The following BCAR3 variants were observed in gnomAD, a reference collection of about 807,000 sequenced individuals.
BCAR3 encodes the protein breast cancer anti-estrogen resistance protein 3.
In BCAR3, 37 loss-of-function variants were observed where a neutral mutation model predicts 80.1. The observed-to-expected ratio is 0.46, with a 90% CI of 0.36 to 0.61. The LOEUF is 0.61. Among genes scored for constraint, BCAR3 ranks in the 20% least tolerant of loss-of-function variants. BCAR3 has a pLI of 0.00. For synonymous variants in BCAR3, 389 were observed against 418.9 expected (o/e 0.93, Z 0.87); for missense variants, 978 against 1,068.2 (o/e 0.92, Z 1.18).
At chr1:93,812,026 C>A (rs12144277) in intron 2 of BCAR3, among the ~76,000 whole-genome samples, 19,130 of 152,152 alleles carry the variant, frequency 0.13, 1,804 homozygotes, top group African/African-American at 0.25. Flanking sequence ...GCTTAGGAGA[C>A]TTTTGAAGAT....
At chr1:93,698,501 C>T (rs572838177) in intron 3 of BCAR3, among the ~76,000 whole-genome samples, 22 of 152,248 alleles carry the variant, frequency 1.4e-4, no homozygotes, top group South Asian at 1.2e-3. Context: ...TGTGACTGTG[C>T]CCTACTCCTC....
At chr1:93,638,308 G>C (rs529916513) in intron 3 of BCAR3, among the ~76,000 whole-genome samples, 3 of 152,306 alleles carry the variant, frequency 2.0e-5, no homozygotes, top group South Asian at 2.1e-4. Context: ...GGTCTCAGGG[G>C]ATGTGAATCT....
At chr1:93,745,192 C>T (rs963408441) in intron 2 of BCAR3, among the ~76,000 whole-genome samples, 1 of 152,240 alleles carries the variant, frequency 6.6e-6, no homozygotes, top group Non-Finnish European at 1.5e-5. Context: ...CAAGAACCTG[C>T]TGGTTTGGCC....
At chr1:93,846,787 AG>A (rs1228941717) in intron 1 of BCAR3, 1 of 450,094 alleles carries the variant, frequency 2.2e-6, no homozygotes, top group African/African-American at 2.1e-5. Context: ...CCTTGGAGGC[AG>A]GTGCTGGCGG....
chr1:93,651,417 G>A (rs1459551349), intron 2 of BCAR3, among the ~76,000 whole-genome samples: 2 of 152,190 alleles, frequency 1.3e-5, no homozygotes, highest in African/African-American at 4.8e-5. Flanking sequence ...GTTGGAAAAA[G>A]CTAGCATGTG....
At chr1:93,603,236 T>C (rs1225360417) in intron 3 of BCAR3, among the ~76,000 whole-genome samples, 1 of 152,254 alleles carries the variant, frequency 6.6e-6, no homozygotes, top group Non-Finnish European at 1.5e-5. Flanking sequence ...TTGGGCATCT[T>C]TGCCTGACCC....
chr1:93,694,569 C>T lies in BCAR3; in HGVS notation c.-12+11523G>A, dbSNP rs112909654. 9.4e-4 allele frequency among the ~76,000 whole-genome samples: 143 copies of T among 152,300 alleles called. 1 individual carries two copies. Among genetic ancestry groups the T allele is most frequent in the African/African-American group, 3.2e-3 (132 of 41,570 alleles). ...TCTCATCCATTCTTCTCTATAGTCCCCTTCTCCATACTTGGAGGCCTATGC... is the reference window on the plus strand; with the variant it reads ...TCTCATCCATTCTTCTCTATAGTCCTCTTCTCCATACTTGGAGGCCTATGC... On this transcript the variant is annotated intron_variant, in intron 3 of 13. Coordinates refer to the BCAR3 transcript ENST00000370244.
chr1:93,676,294 C>CT (rs757477652), intron 1 of BCAR3, among the ~76,000 whole-genome samples: 32 of 152,246 alleles, frequency 2.1e-4, no homozygotes, highest in Admixed American at 7.8e-4. Flanking sequence ...GGAGCCGAGA[C>CT]AATGACATTA....
chr1:93,721,885 T>G (rs1220518260), intron 2 of BCAR3, among the ~76,000 whole-genome samples: 1 of 152,172 alleles, frequency 6.6e-6, no homozygotes, highest in Non-Finnish European at 1.5e-5. Flanking sequence ...ATTGCCAGAG[T>G]GCCTACTGGC....
chr1:93,829,558 T>C (rs1654485730), intron 2 of BCAR3, among the ~76,000 whole-genome samples: 1 of 152,022 alleles, frequency 6.6e-6, no homozygotes, highest in African/African-American at 2.4e-5. Flanking sequence ...TCCCACCCTT[T>C]CTAGCTGCCT....
At chr1:93,755,943 A>T (rs577419516) in intron 2 of BCAR3, among the ~76,000 whole-genome samples, 1 of 152,318 alleles carries the variant, frequency 6.6e-6, no homozygotes, top group South Asian at 2.1e-4. Context: ...AGCCAAACAG[A>T]GTGGAAATTC....
At chr1:93,774,611 C>G (rs867173452) in intron 2 of BCAR3, among the ~76,000 whole-genome samples, 2 of 152,174 alleles carry the variant, frequency 1.3e-5, no homozygotes, top group Non-Finnish European at 1.5e-5. Context: ...TCACCCAAGC[C>G]CTGTCCCTAT....
At chr1:93,750,961 T>C (rs1651536693) in intron 2 of BCAR3, among the ~76,000 whole-genome samples, 1 of 152,104 alleles carries the variant, frequency 6.6e-6, no homozygotes, top group South Asian at 2.1e-4. Flanking sequence ...TAGTTGGGGT[T>C]TTTCTGCCAC....
intron 11 of BCAR3, among the ~76,000 whole-genome samples, chr1:93,564,620 A>G (rs931583119): frequency 3.9e-5 from 6 of 152,048 alleles, no homozygotes; most frequent in Non-Finnish European, 5.9e-5. Flanking sequence ...AATTTCTCCT[A>G]TGTTTTCTTA....
intron 2 of BCAR3, among the ~76,000 whole-genome samples, chr1:93,842,006 A>G (rs1267422936): frequency 6.6e-6 from 1 of 152,192 alleles, no homozygotes; most frequent in Non-Finnish European, 1.5e-5. Context: ...TAGGTTAGAT[A>G]GCCCATTTCA....
At chr1:93,729,137 T>TG (rs1307200081) in intron 2 of BCAR3, among the ~76,000 whole-genome samples, 1 of 152,158 alleles carries the variant, frequency 6.6e-6, no homozygotes, top group Non-Finnish European at 1.5e-5. Flanking sequence ...GGCAGTTTAT[T>TG]GGGGAATGCT....
chr1:93,613,145 GC>G (rs1675005333), intron 3 of BCAR3, among the ~76,000 whole-genome samples: 3 of 152,118 alleles, frequency 2.0e-5, no homozygotes, highest in African/African-American at 7.2e-5. Flanking sequence ...GGGCCGACAG[GC>G]TTTTTCCAAG....
chr1:93,797,196 T>C (rs1653308950), intron 2 of BCAR3, among the ~76,000 whole-genome samples: 4 of 152,362 alleles, frequency 2.6e-5, no homozygotes, highest in East Asian at 1.9e-4. Flanking sequence ...GGCTTTGGCA[T>C]AGTCCCTCGT....
intron 2 of BCAR3, among the ~76,000 whole-genome samples, chr1:93,767,179 G>C (rs1028922097): frequency 3.4e-5 from 5 of 148,390 alleles, no homozygotes; most frequent in Non-Finnish European, 5.9e-5. Flanking sequence ...GGTGGGAACT[G>C]AGAACAAGGG....
Sources: allele counts gnomAD v4.1 joint callset (sites outside exome capture counted in the v4.1 genomes callset), GRCh38; gene constraint gnomAD v4.1.1; transcripts MANE v1.5; gene names NCBI Gene and HGNC (gene_info 2026-07-23, HGNC 2026-07-21).